SLC25A13: variants seen among roughly 807,000 people sequenced by gnomAD.
SLC25A13 encodes the protein solute carrier family 25 member 13.
Under a neutral mutation model 85.5 loss-of-function variants are expected in SLC25A13, and 70 were observed. The observed-to-expected ratio is 0.82, with a 90% CI of 0.68 to 1.00. SLC25A13 has a LOEUF of 1.00. SLC25A13 is among the 50% of genes least tolerant of loss of function. The pLI, the probability that SLC25A13 is intolerant of heterozygous loss-of-function variation, is 0.00. For synonymous variants in SLC25A13, 259 were observed against 288.7 expected (o/e 0.90, Z 1.04); for missense variants, 765 against 819.8 (o/e 0.93, Z 0.82).
intron 1 of SLC25A13, among the ~76,000 whole-genome samples, chr7:96,300,690 C>G (rs1272113306): frequency 6.6e-6 from 1 of 152,146 alleles, no homozygotes; most frequent in South Asian, 2.1e-4. Context: ...TACCCCCAAC[C>G]CAGAGTTCCA....
intron 13 of SLC25A13, among the ~76,000 whole-genome samples, chr7:96,167,679 A>ATT (rs1203377670): frequency 2.0e-5 from 3 of 152,104 alleles, no homozygotes; most frequent in Non-Finnish European, 2.9e-5. Context: ...ACCTTACAAA[A>ATT]CCCTTTGTAT....
chr7:96,191,053 T>A, intron 7 of SLC25A13, 56 bp downstream of exon 7: 2 of 1,604,672 alleles, frequency 1.2e-6, no homozygotes, highest in East Asian at 2.2e-5. Flanking sequence ...TTCTTCACCC[T>A]AATAATAATA....
intron 14 of SLC25A13, among the ~76,000 whole-genome samples, chr7:96,141,734 A>G (rs542530004): frequency 6.6e-6 from 1 of 152,354 alleles, no homozygotes; most frequent in African/African-American, 2.4e-5. Flanking sequence ...GCACGTAAAA[A>G]TACAAGTTTT....
Position 96,234,880 on chromosome 7 carries a change from C to T in SLC25A13, c.250G>A (p.Val84Ile). The change falls in exon 4 of 18, where the codon GTC (valine) becomes ATC (isoleucine). Residue 84 changes from valine (V) to isoleucine (I), a missense_variant. Physicochemically the swap from Val to Ile is conservative, Grantham distance 29 (BLOSUM62 3). Coordinates refer to ENST00000265631, the MANE Select transcript of SLC25A13 (RefSeq NM_014251.3). ...SFQEFVAFESVLCAPDALFMV... is the reference protein window; with the variant it reads ...SFQEFVAFESILCAPDALFMV... ...AACAAAGCATCAGGGGCACACAGGA[C>T]AGATTCAAAGGCAACAAATTCTTGA... 2 of 1,613,854 alleles carry T rather than the reference C, an allele frequency of 1.2e-6. No individual in the cohort carries two copies. The highest frequency in any genetic ancestry group is 2.2e-5 in the South Asian group (2 of 91,070).
intron 4 of SLC25A13, among the ~76,000 whole-genome samples, chr7:96,222,056 G>C (rs1796150780): frequency 6.6e-6 from 1 of 152,192 alleles, no homozygotes; most frequent in Non-Finnish European, 1.5e-5. Context: ...AAGTTAAATA[G>C]ATTTATTTTT....
chr7:96,298,467 CTT>C (rs1164261048), intron 1 of SLC25A13, among the ~76,000 whole-genome samples: 2 of 151,676 alleles, frequency 1.3e-5, no homozygotes, highest in East Asian at 3.9e-4. Flanking sequence ...GAGTTTCACT[CTT>C]GTTGCCCAGG....
At chr7:96,297,797 G>T (rs985487419) in intron 1 of SLC25A13, among the ~76,000 whole-genome samples, 1 of 152,102 alleles carries the variant, frequency 6.6e-6, no homozygotes, top group Non-Finnish European at 1.5e-5. Flanking sequence ...TAAATCATAG[G>T]TCTCCAAAGG....
chr7:96,136,175 T>C (rs1443494317), intron 14 of SLC25A13, among the ~76,000 whole-genome samples: 1 of 152,116 alleles, frequency 6.6e-6, no homozygotes, highest in Non-Finnish European at 1.5e-5. Flanking sequence ...TGCCAAAGTC[T>C]CTCCATCATC....
intron 5 of SLC25A13, among the ~76,000 whole-genome samples, chr7:96,199,743 A>C (rs978641285): frequency 1.3e-5 from 2 of 152,134 alleles, no homozygotes; most frequent in African/African-American, 4.8e-5. Flanking sequence ...CAACTACTTC[A>C]ACACACCCAT....
rs758827458 is a variant in SLC25A13 at position 96,184,391 on chromosome 7, G to C, written c.1063C>G (p.Arg355Gly). ...AVYPIDLVKT[R>G]MQNQRSTGSF... ...CCAGTTGATCGTTGGTTCTGCATTC[G>C]AGTTTTTACAAGATCGATAGGATAC... The change falls in exon 11 of 18, where the codon CGA (arginine) becomes GGA (glycine). Residue 355 changes from arginine to glycine, a missense_variant. Transcript: ENST00000265631. 2.5e-6 allele frequency: 4 copies of C among 1,613,984 alleles called. No individual in the cohort carries two copies. The highest frequency in any genetic ancestry group is 1.6e-4 in the Middle Eastern group (1 of 6,084).
chr7:96,228,652 C>T (rs1796407644), intron 4 of SLC25A13, among the ~76,000 whole-genome samples: 1 of 152,224 alleles, frequency 6.6e-6, no homozygotes, highest in Non-Finnish European at 1.5e-5. Context: ...CTGTGGGAGC[C>T]CCTCTCTGGG....
chr7:96,170,243 T>C (rs1793943424), intron 12 of SLC25A13, 118 bp from the exon 13 acceptor site: 1 of 870,696 alleles, frequency 1.1e-6, no homozygotes, highest in Non-Finnish European at 1.9e-6. Context: ...GGAGTAATCA[T>C]AAATTGCACA....
intron 13 of SLC25A13, among the ~76,000 whole-genome samples, chr7:96,159,604 AT>A (rs1309212330): frequency 6.6e-6 from 1 of 152,226 alleles, no homozygotes; most frequent in Non-Finnish European, 1.5e-5. Flanking sequence ...GGTATGAGGC[AT>A]TTTGTTATGG....
chr7:96,213,758 T>C (rs1422220696), intron 4 of SLC25A13, among the ~76,000 whole-genome samples: 4 of 152,204 alleles, frequency 2.6e-5, no homozygotes, highest in East Asian at 3.9e-4. Context: ...TGGTCTAAAA[T>C]ACAAGGCTTA....
intron 4 of SLC25A13, among the ~76,000 whole-genome samples, chr7:96,231,839 G>C (rs547435959): frequency 6.6e-6 from 1 of 152,226 alleles, no homozygotes; most frequent in South Asian, 2.1e-4. Context: ...CTGGTAATTA[G>C]AGAAATGCAA....
chr7:96,182,045 G>A (rs1794438934), intron 11 of SLC25A13, among the ~76,000 whole-genome samples: 2 of 152,042 alleles, frequency 1.3e-5, no homozygotes, highest in Non-Finnish European at 2.9e-5. Context: ...CAATAACCAT[G>A]AGTTACCTAC....
Position 96,129,485 on chromosome 7 carries a change from A to G in SLC25A13, c.1591+2258T>C, listed in dbSNP as rs529883414. ...CTCTTAAAAAAAAATAACTGATTCA[A>G]CATAGGGGAAAAAGCATACTACTAG... On this transcript the variant is annotated intron_variant, in intron 15 of 17. Transcript: ENST00000265631. Among the ~76,000 whole-genome samples the G allele has an allele frequency of 2.0e-5, 3 of 152,304 alleles. No homozygotes were observed. The South Asian group carries it at 6.2e-4, about 32-fold the overall frequency.
intron 13 of SLC25A13, among the ~76,000 whole-genome samples, chr7:96,167,245 T>C (rs754843239): frequency 9.2e-5 from 14 of 152,334 alleles, no homozygotes; most frequent in Non-Finnish European, 1.6e-4. Context: ...CTTTTACATA[T>C]GTCAGTGAAA....
intron 2 of SLC25A13, among the ~76,000 whole-genome samples, chr7:96,278,226 G>T (rs1010581223): frequency 6.6e-6 from 1 of 152,156 alleles, no homozygotes; most frequent in Admixed American, 6.6e-5. Flanking sequence ...TGATCCTGGG[G>T]ACAAAGCAGT....
Sources: allele counts gnomAD v4.1 joint callset (sites outside exome capture counted in the v4.1 genomes callset), GRCh38; gene constraint gnomAD v4.1.1; transcripts MANE v1.5; gene names NCBI Gene and HGNC (gene_info 2026-07-23, HGNC 2026-07-21).